AGMO: variants seen among roughly 807,000 people sequenced by gnomAD.
The protein encoded by AGMO is glyceryl-ether monooxygenase.
A neutral mutation model predicts 60.2 loss-of-function variants in AGMO; 75 were observed. The observed-to-expected ratio is 1.25, with a 90% confidence interval of 1.03 to 1.51. AGMO has a LOEUF of 1.51. Ranked by LOEUF, AGMO falls within the 40% of genes most tolerant of loss-of-function variation. AGMO has a pLI of 0.00. For missense variants in AGMO, 763 were observed against 525.5 expected (o/e 1.45, Z -4.42); for synonymous variants, 261 against 177.1 (o/e 1.47, Z -3.76).
intron 12 of AGMO, among the ~76,000 whole-genome samples, chr7:15,246,431 T>A (rs888412667): frequency 1.3e-5 from 2 of 152,174 alleles, no homozygotes; most frequent in Non-Finnish European, 2.9e-5. Context: ...GTAGATTTTT[T>A]AAAAAATTGC....
intron 5 of AGMO, 39 bp downstream of exon 5, chr7:15,418,519 T>C: frequency 7.8e-7 from 1 of 1,283,462 alleles, no homozygotes; most frequent in Non-Finnish European, 1.1e-6. Flanking sequence ...CTTCAGGCTG[T>C]TTAGGTATAA....
intron 4 of AGMO, among the ~76,000 whole-genome samples, chr7:15,428,797 T>TA (rs1781143126): frequency 6.6e-6 from 1 of 152,110 alleles, no homozygotes; most frequent in Admixed American, 6.6e-5. Flanking sequence ...CAAATGCAGC[T>TA]ACTTCCTTTC....
At chr7:15,253,365 G>A (rs920807753) in intron 12 of AGMO, among the ~76,000 whole-genome samples, 8 of 152,000 alleles carry the variant, frequency 5.3e-5, no homozygotes, top group Non-Finnish European at 8.8e-5. Context: ...AACTAAACAG[G>A]GAGTAAGACT....
At chr7:15,550,542 T>C (rs1295190371) in intron 2 of AGMO, among the ~76,000 whole-genome samples, 1 of 151,938 alleles carries the variant, frequency 6.6e-6, no homozygotes, top group Non-Finnish European at 1.5e-5. Flanking sequence ...CAAACACCTC[T>C]ACACAAATAA....
chr7:15,322,449 T>TATATATAAATATATATAA (rs200415846), intron 12 of AGMO, among the ~76,000 whole-genome samples: 2 of 68,374 alleles, frequency 2.9e-5, no homozygotes, highest in African/African-American at 8.7e-5. Flanking sequence ...TATATAAATA[T>TATATATAAATATATATAA]ATATATAAAT....
intron 12 of AGMO, among the ~76,000 whole-genome samples, chr7:15,253,701 A>G (rs1477895414): frequency 6.6e-6 from 1 of 152,144 alleles, no homozygotes; most frequent in Non-Finnish European, 1.5e-5. Context: ...TGTTGTGACA[A>G]TACTGAAAAT....
At chr7:15,417,202 G>A (rs754040648) in intron 5 of AGMO, among the ~76,000 whole-genome samples, 2 of 152,138 alleles carry the variant, frequency 1.3e-5, no homozygotes, top group Non-Finnish European at 2.9e-5. Flanking sequence ...AGCATAAAGT[G>A]TAACACAAGG....
chr7:15,352,445 A>ATT (rs1782278379), intron 12 of AGMO, among the ~76,000 whole-genome samples: 1 of 145,970 alleles, frequency 6.9e-6, no homozygotes. Flanking sequence ...TTCCAGAAGT[A>ATT]TGTTTTTTTT....
chr7:15,241,047 G>A (rs148524588), intron 12 of AGMO, among the ~76,000 whole-genome samples: 2,398 of 152,166 alleles, frequency 0.016, 21 homozygotes, highest in Non-Finnish European at 0.023. Flanking sequence ...AATACATGTT[G>A]CCAAAAGAAG....
At chr7:15,322,735 A>AAT (rs1263030807) in intron 12 of AGMO, among the ~76,000 whole-genome samples, 11 of 124,164 alleles carry the variant, frequency 8.9e-5, no homozygotes, top group African/African-American at 3.6e-4. Flanking sequence ...TATATATATA[A>AAT]ATATATAAAT....
At chr7:15,130,258 TTCA>T in the AGMO span, among the ~76,000 whole-genome samples, 1 of 152,066 alleles carries the variant, frequency 6.6e-6, no homozygotes, top group African/African-American at 2.4e-5. Flanking sequence ...CTTTTTTTCT[TTCA>T]TGTTTCAAAG....
the AGMO span, among the ~76,000 whole-genome samples, chr7:15,142,193 G>C: frequency 3.3e-5 from 5 of 152,194 alleles, no homozygotes; most frequent in East Asian, 7.7e-4. Flanking sequence ...CTATATATAA[G>C]AAATAGCCAC....
At chr7:15,519,755 G>T (rs1783928969) in intron 3 of AGMO, among the ~76,000 whole-genome samples, 1 of 152,010 alleles carries the variant, frequency 6.6e-6, no homozygotes, top group South Asian at 2.1e-4. Context: ...CAACTAATGG[G>T]CAAAATAACC....
chr7:15,239,255 T>C (rs975861399), intron 12 of AGMO, among the ~76,000 whole-genome samples: 1 of 152,084 alleles, frequency 6.6e-6, no homozygotes, highest in Non-Finnish European at 1.5e-5. Context: ...AACATCAAGA[T>C]ACAAACAGTA....
intron 3 of AGMO, among the ~76,000 whole-genome samples, chr7:15,527,919 G>A (rs1784167159): frequency 1.3e-5 from 2 of 151,954 alleles, no homozygotes; most frequent in South Asian, 4.2e-4. Context: ...GTATTGAGAT[G>A]TATTGCTCTG....
intron 3 of AGMO, among the ~76,000 whole-genome samples, chr7:15,457,786 ACCT>A (rs1410036334): frequency 3.3e-5 from 5 of 152,150 alleles, no homozygotes; most frequent in Non-Finnish European, 5.9e-5. Context: ...TCTGAAGAGT[ACCT>A]TACACCTACC....
chr7:15,301,115 G>T (rs1784550027), intron 12 of AGMO, among the ~76,000 whole-genome samples: 1 of 152,124 alleles, frequency 6.6e-6, no homozygotes, highest in South Asian at 2.1e-4. Context: ...GTTTGTGGGT[G>T]AAATTAAAAG....
At chr7:15,343,658 G>GT (rs1360591707) in intron 12 of AGMO, among the ~76,000 whole-genome samples, 1 of 152,022 alleles carries the variant, frequency 6.6e-6, no homozygotes, top group East Asian at 1.9e-4. Flanking sequence ...TCTCACCGCT[G>GT]TTTTATCTGT....
At chr7:15,349,899 C>A (rs1485334635) in intron 12 of AGMO, among the ~76,000 whole-genome samples, 1 of 152,090 alleles carries the variant, frequency 6.6e-6, no homozygotes. Context: ...TACTGGGTCC[C>A]CTCCTATGAC....
Sources: gnomAD v4.1 joint callset for allele counts (sites outside exome capture counted in the v4.1 genomes callset) on GRCh38, gnomAD v4.1.1 for gene constraint, MANE v1.5 for transcripts, NCBI Gene and HGNC (gene_info 2026-07-23, HGNC 2026-07-21) for gene names.